NHERF1: variants seen among roughly 807,000 people sequenced by gnomAD.
The protein encoded by NHERF1 is Na(+)/H(+) exchange regulatory cofactor NHE-RF1.
the NHERF1 span, among the ~76,000 whole-genome samples, chr17:74,766,545 AT>A: frequency 6.6e-6 from 1 of 152,032 alleles, no homozygotes; most frequent in African/African-American, 2.4e-5. Flanking sequence ...AATTAAAAAT[AT>A]CAAAGAACAC....
the NHERF1 span, among the ~76,000 whole-genome samples, chr17:74,762,704 C>T: frequency 2.0e-5 from 3 of 152,068 alleles, no homozygotes; most frequent in Non-Finnish European, 4.4e-5. This position sits in a 1 kb window ranked among gnomAD's most constrained non-coding sequence, Gnocchi z 4.2. Flanking sequence ...ATTACAGGTG[C>T]CCACCACCAC....
the NHERF1 span, chr17:74,768,300 T>C: frequency 1.4e-5 from 19 of 1,404,080 alleles, no homozygotes; most frequent in East Asian, 1.8e-4. Flanking sequence ...GCCCCACTTG[T>C]TCCTGGCACA....
chr17:74,748,634 C>T, the NHERF1 span: 18 of 502,344 alleles, frequency 3.6e-5, 1 homozygote, highest in Middle Eastern at 5.8e-4. This position sits in a 1 kb window ranked among gnomAD's most constrained non-coding sequence, Gnocchi z 4.3. Context: ...GCTCAGACGC[C>T]GCGCGGGGCG....
At chr17:74,753,487 T>G in the NHERF1 span, among the ~76,000 whole-genome samples, 44 of 152,298 alleles carry the variant, frequency 2.9e-4, no homozygotes, top group East Asian at 8.1e-3. Flanking sequence ...TGTGATTGTT[T>G]GTGTGTTGGG....
chr17:74,756,273 CTTTTTTTTTTTTT>C, the NHERF1 span, among the ~76,000 whole-genome samples: 2 of 71,992 alleles, frequency 2.8e-5, no homozygotes, highest in African/African-American at 5.7e-5. Flanking sequence ...TTCTTTCTTT[CTTTTTTTTTTTTT>C]TTTTTTTTTT....
the NHERF1 span, among the ~76,000 whole-genome samples, chr17:74,763,695 T>C: frequency 6.6e-6 from 1 of 152,162 alleles, no homozygotes; most frequent in Non-Finnish European, 1.5e-5. Flanking sequence ...AGCGGGGGCC[T>C]AGTGTAGGGA....
the NHERF1 span, among the ~76,000 whole-genome samples, chr17:74,762,620 C>T: frequency 3.3e-5 from 5 of 151,994 alleles, no homozygotes; most frequent in African/African-American, 9.7e-5. This position sits in a 1 kb window ranked among gnomAD's most constrained non-coding sequence, Gnocchi z 4.2. Context: ...TGCAGTGGCA[C>T]AATCCCAGCT....
At chr17:74,752,966 C>A in the NHERF1 span, among the ~76,000 whole-genome samples, 1 of 152,180 alleles carries the variant, frequency 6.6e-6, no homozygotes, top group Non-Finnish European at 1.5e-5. Flanking sequence ...CAGTCAGGGA[C>A]CTTTGTCCTC....
the NHERF1 span, among the ~76,000 whole-genome samples, chr17:74,767,397 G>C: frequency 6.6e-6 from 1 of 152,182 alleles, no homozygotes; most frequent in African/African-American, 2.4e-5. Flanking sequence ...GAGGCCCGGG[G>C]AAGAGATGGT....
chr17:74,761,908 C>T, the NHERF1 span: 1 of 1,277,146 alleles, frequency 7.8e-7, no homozygotes, highest in Non-Finnish European at 1.1e-6. This position sits in a 1 kb window ranked among gnomAD's most constrained non-coding sequence, Gnocchi z 4.3. Flanking sequence ...AATTTGCATC[C>T]TCCCAAACCT....
the NHERF1 span, among the ~76,000 whole-genome samples, chr17:74,760,066 C>T: frequency 1.1e-4 from 16 of 152,322 alleles, no homozygotes; most frequent in South Asian, 3.3e-3. This position sits in a 1 kb window ranked among gnomAD's most constrained non-coding sequence, Gnocchi z 4.5. Context: ...CAGAAAGCTG[C>T]GCCTGTCCTG....
the NHERF1 span, among the ~76,000 whole-genome samples, chr17:74,757,907 G>A: frequency 3.6e-4 from 55 of 152,324 alleles, no homozygotes; most frequent in African/African-American, 1.3e-3. Flanking sequence ...TGAGAGGTGG[G>A]GTTACCTCTG....
At chr17:74,754,296 G>A in the NHERF1 span, among the ~76,000 whole-genome samples, 3 of 152,070 alleles carry the variant, frequency 2.0e-5, no homozygotes, top group Non-Finnish European at 4.4e-5. Context: ...AAGATAGAGT[G>A]GCCCTACCTG....
At chr17:74,760,584 G>A in the NHERF1 span, among the ~76,000 whole-genome samples, 4 of 152,106 alleles carry the variant, frequency 2.6e-5, no homozygotes, top group Admixed American at 6.5e-5. The surrounding 1 kb of genome is among the most constrained non-coding windows in gnomAD (Gnocchi z 4.5). Context: ...CCTCCTGGGC[G>A]CGCCTTCCCA....
At chr17:74,750,187 C>A in the NHERF1 span, among the ~76,000 whole-genome samples, 1 of 152,178 alleles carries the variant, frequency 6.6e-6, no homozygotes, top group Non-Finnish European at 1.5e-5. Context: ...GCCAGCAGGC[C>A]GGTTGCTTTT....
the NHERF1 span, chr17:74,768,089 T>C: frequency 8.4e-7 from 1 of 1,188,512 alleles, no homozygotes; most frequent in Non-Finnish European, 1.3e-6. Flanking sequence ...GCTCCCTCCC[T>C]CCTCAGGACC....
chr17:74,759,979 G>A, the NHERF1 span, among the ~76,000 whole-genome samples: 1 of 152,318 alleles, frequency 6.6e-6, no homozygotes, highest in Non-Finnish European at 1.5e-5. Context: ...GAGGGAGGTT[G>A]GAGGAGGTCA....
the NHERF1 span, chr17:74,763,219 C>T: frequency 1.5e-6 from 1 of 687,546 alleles, no homozygotes; most frequent in East Asian, 2.7e-5. Context: ...CAGGACTCTG[C>T]AGAAATGGCG....
At chr17:74,762,616 G>A in the NHERF1 span, among the ~76,000 whole-genome samples, 1 of 151,774 alleles carries the variant, frequency 6.6e-6, no homozygotes, top group Non-Finnish European at 1.5e-5. This position sits in a 1 kb window ranked among gnomAD's most constrained non-coding sequence, Gnocchi z 4.2. Context: ...GGAGTGCAGT[G>A]GCACAATCCC....
Sources: gnomAD v4.1 joint callset for allele counts (sites outside exome capture counted in the v4.1 genomes callset) on GRCh38, gnomAD v4.1.1 for gene constraint, Gnocchi (gnomAD v3.1) non-coding constraint, MANE v1.5 for transcripts, NCBI Gene and HGNC (gene_info 2026-07-23, HGNC 2026-07-21) for gene names.